Variants in PPP4R3A observed in about 807,000 individuals in gnomAD.
PPP4R3A encodes serine/threonine-protein phosphatase 4 regulatory subunit 3A.
In PPP4R3A, 15 loss-of-function variants were observed where a neutral mutation model predicts 91.7. The ratio of observed to expected loss-of-function variants is 0.16; its 90% confidence interval spans 0.11 to 0.25. The LOEUF is 0.25. Ranked by LOEUF, PPP4R3A falls within the 10% of genes least tolerant of loss-of-function variation. PPP4R3A has a pLI of 1.00. For missense variants in PPP4R3A, 623 were observed against 998.4 expected, an observed-to-expected ratio of 0.62 and a Z score of 5.07; for synonymous variants, 377 against 348.7, an observed-to-expected ratio of 1.08 and a Z score of -0.91.
chr14:91,460,732 T>C (rs1224071763), intron 14 of PPP4R3A, among the ~76,000 whole-genome samples: 1 of 147,032 alleles, frequency 6.8e-6, no homozygotes, highest in Non-Finnish European at 1.5e-5. Flanking sequence ...GCCATTCTCC[T>C]GCCTCAGCCT....
chr14:91,504,504 A>G (rs1001096149), intron 1 of PPP4R3A, among the ~76,000 whole-genome samples: 1 of 151,656 alleles, frequency 6.6e-6, no homozygotes, highest in Non-Finnish European at 1.5e-5. Flanking sequence ...CGTAAGGCTG[A>G]GGCGGGAGAA....
intron 10 of PPP4R3A, among the ~76,000 whole-genome samples, chr14:91,465,707 T>G (rs952901534): frequency 2.0e-5 from 3 of 152,192 alleles, no homozygotes; most frequent in Admixed American, 2.0e-4. Flanking sequence ...AATTTACATC[T>G]AAAATAAGAG....
At chr14:91,499,782 C>T (rs1342669411) in intron 1 of PPP4R3A, among the ~76,000 whole-genome samples, 2 of 148,016 alleles carry the variant, frequency 1.4e-5, no homozygotes, top group Non-Finnish European at 3.0e-5. Flanking sequence ...GATCGCACCA[C>T]TGCACTCCAA....
intron 1 of PPP4R3A, among the ~76,000 whole-genome samples, chr14:91,500,996 C>T (rs996176489): frequency 4.6e-5 from 7 of 152,242 alleles, no homozygotes; most frequent in Admixed American, 2.0e-4. Flanking sequence ...CACACCACTG[C>T]GCTCCAGCCT....
intron 1 of PPP4R3A, among the ~76,000 whole-genome samples, chr14:91,493,960 C>A (rs1046899518): frequency 6.7e-6 from 1 of 150,004 alleles, no homozygotes; most frequent in Non-Finnish European, 1.5e-5. Context: ...GACAGGGTTT[C>A]TCCATGTTGG....
chr14:91,461,821 G>C, intron 13 of PPP4R3A: 1 of 867,720 alleles, frequency 1.2e-6, no homozygotes, highest in Non-Finnish European at 1.7e-6. Context: ...ATCATATTTA[G>C]TATCCCTACC....
intron 1 of PPP4R3A, among the ~76,000 whole-genome samples, chr14:91,505,514 C>T (rs1891243966): frequency 6.6e-6 from 1 of 151,484 alleles, no homozygotes; most frequent in Non-Finnish European, 1.5e-5. Flanking sequence ...CTATCTCTAG[C>T]ACTGACCACC....
chr14:91,485,610 A>T, intron 3 of PPP4R3A, 22 bp downstream of exon 3: 1 of 1,546,780 alleles, frequency 6.5e-7, no homozygotes, highest in South Asian at 1.1e-5. Context: ...AAGCATGTTG[A>T]TTTTTTTATT....
intron 3 of PPP4R3A, among the ~76,000 whole-genome samples, chr14:91,483,966 G>C (rs1350334884): frequency 6.6e-6 from 1 of 152,220 alleles, no homozygotes; most frequent in Non-Finnish European, 1.5e-5. Flanking sequence ...ACTGTATCCA[G>C]AGTGGAAGTG....
At chr14:91,503,475 G>C (rs986348150) in intron 1 of PPP4R3A, among the ~76,000 whole-genome samples, 1 of 152,146 alleles carries the variant, frequency 6.6e-6, no homozygotes, top group African/African-American at 2.4e-5. Flanking sequence ...ATTTTGTAGA[G>C]ATGGGGGGTC....
rs1375962085 is a variant in PPP4R3A, at chr14:91,493,400, G to A, written c.143-2598C>T. ...ATTCTAGCTACTCAAGAGACAGGCAGGAGGATCTCCTGAGCCCAGAATCTC... is the reference window on the plus strand; with the variant it reads ...ATTCTAGCTACTCAAGAGACAGGCAAGAGGATCTCCTGAGCCCAGAATCTC... On this transcript the variant is annotated intron_variant, in intron 1 of 14. Transcript: ENST00000554943. Among the ~76,000 whole-genome samples the A allele has an allele frequency of 1.3e-5, 2 of 150,762 alleles. 1 individual carries two copies. The highest frequency in any genetic ancestry group is 5.0e-5 in the African/African-American group (2 of 40,138).
At chr14:91,466,276 C>T (rs1888464569) in intron 10 of PPP4R3A, 2 of 985,670 alleles carry the variant, frequency 2.0e-6, no homozygotes, top group Non-Finnish European at 2.4e-6. Context: ...GCAGTCACAT[C>T]GTCTTCGGTT....
At chr14:91,499,902 G>C (rs1303989205) in intron 1 of PPP4R3A, among the ~76,000 whole-genome samples, 1 of 150,934 alleles carries the variant, frequency 6.6e-6, no homozygotes, top group Non-Finnish European at 1.5e-5. Context: ...GCCCTTTCTT[G>C]TAGGGTGCTA....
chr14:91,483,505 T>C (rs1309778291), intron 3 of PPP4R3A, among the ~76,000 whole-genome samples: 7 of 152,216 alleles, frequency 4.6e-5, no homozygotes, highest in South Asian at 2.1e-4. Flanking sequence ...AAGTTCCTGA[T>C]ACCCAAACTA....
intron 1 of PPP4R3A, among the ~76,000 whole-genome samples, chr14:91,509,093 C>T (rs1891595216): frequency 6.6e-6 from 1 of 152,214 alleles, no homozygotes; most frequent in African/African-American, 2.4e-5. Flanking sequence ...CAAGAACTTT[C>T]TTAGCTCCAA....
rs115850114 is a variant in PPP4R3A, at chr14:91,480,025, G to A, written c.915+1551C>T. Among the ~76,000 whole-genome samples, 896 of 152,214 alleles carry A rather than the reference G, an allele frequency of 5.9e-3. 6 individuals carry two copies. The highest frequency in any genetic ancestry group is 0.021 in the African/African-American group (855 of 41,534). ...TTCTAATTTTGGGGGTGTTACAAAC[G>A]CAAATTATTGTCTAGCTCTCAGAGA... On this transcript the variant is annotated intron_variant, in intron 4 of 14. Coordinates refer to ENST00000554943, the MANE Select transcript of PPP4R3A (RefSeq NM_001366432.2).
intron 1 of PPP4R3A, among the ~76,000 whole-genome samples, chr14:91,491,728 G>A (rs1002390687): frequency 6.6e-6 from 1 of 151,584 alleles, no homozygotes; most frequent in Non-Finnish European, 1.5e-5. Flanking sequence ...TTTAAAACAA[G>A]GTAAGTTTAA....
intron 10 of PPP4R3A, chr14:91,466,533 A>T (rs959128718): frequency 1.6e-6 from 1 of 627,646 alleles, no homozygotes; most frequent in Non-Finnish European, 2.0e-6. Context: ...TAACAATGCA[A>T]CTTATTTAAG....
At chr14:91,490,882 T>TA in intron 1 of PPP4R3A, 80 bp from the exon 2 acceptor site, 1 of 583,538 alleles carries the variant, frequency 1.7e-6, no homozygotes, top group African/African-American at 2.1e-5. Flanking sequence ...ACATATTTCC[T>TA]TAAAAAAAAT....
Sources: gnomAD v4.1 joint callset for allele counts (sites outside exome capture counted in the v4.1 genomes callset) on GRCh38, gnomAD v4.1.1 for gene constraint, MANE v1.5 for transcripts, NCBI Gene and HGNC (gene_info 2026-07-23, HGNC 2026-07-21) for gene names.